EXOC4: variants seen among roughly 807,000 people sequenced by gnomAD.
EXOC4 encodes SEC8-like 1.
Under a neutral mutation model 107.2 loss-of-function variants are expected in EXOC4, and 71 were observed. The observed-to-expected ratio is 0.66, with a 90% CI of 0.55 to 0.81. EXOC4 has a LOEUF of 0.81. EXOC4 is among the 30% of genes least tolerant of loss of function. The pLI, the probability that EXOC4 is intolerant of heterozygous loss-of-function variation, is 0.00. For missense variants in EXOC4, 1,108 were observed against 1,189.6 expected (o/e 0.93, Z 1.01); for synonymous variants, 456 against 441.2 (o/e 1.03, Z -0.42).
At chr7:133,558,125 C>A (rs1800729762) in intron 9 of EXOC4, among the ~76,000 whole-genome samples, 1 of 152,060 alleles carries the variant, frequency 6.6e-6, no homozygotes, top group African/African-American at 2.4e-5. Context: ...AGAAACATGC[C>A]TATTAAAACA....
intron 14 of EXOC4, among the ~76,000 whole-genome samples, chr7:133,982,443 T>G (rs887877871): frequency 7.9e-5 from 12 of 152,024 alleles, no homozygotes; most frequent in Non-Finnish European, 1.6e-4. Context: ...TCCCAGCTAC[T>G]CGGGAGGCTG....
At chr7:134,055,577 A>AAGATCCATT (rs1795902139) in intron 17 of EXOC4, among the ~76,000 whole-genome samples, 1 of 152,194 alleles carries the variant, frequency 6.6e-6, no homozygotes, top group Admixed American at 6.5e-5. Flanking sequence ...CAGGTAGGGC[A>AAGATCCATT]AGATCCATTA....
intron 10 of EXOC4, among the ~76,000 whole-genome samples, chr7:133,781,291 T>A (rs1562994591): frequency 6.6e-6 from 1 of 152,168 alleles, no homozygotes; most frequent in Non-Finnish European, 1.5e-5. Context: ...GCCATGAAAC[T>A]CAAGATCAGA....
intron 7 of EXOC4, among the ~76,000 whole-genome samples, chr7:133,410,549 A>T (rs567122402): frequency 2.6e-5 from 4 of 152,058 alleles, no homozygotes; most frequent in Non-Finnish European, 4.4e-5. Context: ...GTCCACTTCT[A>T]TGTTAGGTCT....
Position 134,022,561 on chromosome 7 carries a change from T to TA in EXOC4, c.2687+14737dup, listed in dbSNP as rs760428641. Among the ~76,000 whole-genome samples the TA allele has an allele frequency of 6.0e-3, 900 of 149,144 alleles. 8 individuals carry two copies. The highest frequency in any genetic ancestry group is 0.015 in the East Asian group (78 of 5,136). ...AATAGCTCTTTCCCCTTTTTCAAAT[T>TA]AAAAAAAAAAATCTGTTTTTTTCTA... On this transcript the variant is annotated intron_variant, in intron 17 of 17. Coordinates refer to ENST00000253861, the MANE Select transcript of EXOC4 (RefSeq NM_021807.4).
At chr7:133,284,394 A>G (rs1376566162) in intron 2 of EXOC4, among the ~76,000 whole-genome samples, 1 of 152,262 alleles carries the variant, frequency 6.6e-6, no homozygotes, top group Admixed American at 6.5e-5. Flanking sequence ...TGATATAAGT[A>G]GGATATCAGA....
chr7:133,387,789 T>C (rs1796760760), intron 7 of EXOC4, among the ~76,000 whole-genome samples: 1 of 152,204 alleles, frequency 6.6e-6, no homozygotes, highest in Non-Finnish European at 1.5e-5. Context: ...GAACAGTTTA[T>C]GGTCCCATGG....
chr7:133,383,077 G>T (rs567060679), intron 7 of EXOC4, among the ~76,000 whole-genome samples: 1 of 152,050 alleles, frequency 6.6e-6, no homozygotes, highest in Non-Finnish European at 1.5e-5. Context: ...TTTGAGCAGC[G>T]GCAGTACCTT....
At chr7:133,604,978 G>A (rs1424778811) in intron 9 of EXOC4, among the ~76,000 whole-genome samples, 1 of 151,810 alleles carries the variant, frequency 6.6e-6, no homozygotes, top group Admixed American at 6.6e-5. Flanking sequence ...ACCCACCTCG[G>A]CCTCCCAAAG....
intron 10 of EXOC4, among the ~76,000 whole-genome samples, chr7:133,760,479 C>T (rs1796010660): frequency 6.6e-6 from 1 of 152,020 alleles, no homozygotes; most frequent in South Asian, 2.1e-4. Flanking sequence ...TCAACTTTTC[C>T]CCTTTGAATC....
intron 8 of EXOC4, chr7:133,478,964 C>G (rs1799087822): frequency 6.6e-6 from 1 of 152,128 alleles, no homozygotes; most frequent in South Asian, 2.1e-4. Context: ...GTGTTTCCCT[C>G]ACAGACTGAC....
chr7:133,713,757 G>T (rs578237381), intron 10 of EXOC4, among the ~76,000 whole-genome samples: 29 of 152,126 alleles, frequency 1.9e-4, no homozygotes, highest in African/African-American at 6.5e-4. Flanking sequence ...CCATCGCTTG[G>T]CACTTCTCCT....
At chr7:133,975,281 A>G (rs972120312) in intron 14 of EXOC4, among the ~76,000 whole-genome samples, 5 of 152,176 alleles carry the variant, frequency 3.3e-5, no homozygotes, top group African/African-American at 9.6e-5. Flanking sequence ...ATATGGGGAT[A>G]GTAGGGATGG....
Position 133,287,543 on chromosome 7 carries a change from G to A in EXOC4, c.277-1379G>A, listed in dbSNP as rs190329293. Reference sequence around the variant, plus strand: ...TTAGCCAGGATGGTCTCGATCTCCTGACCTCGTGATCCACCCGCCTCGGCC... The same window carrying A: ...TTAGCCAGGATGGTCTCGATCTCCTAACCTCGTGATCCACCCGCCTCGGCC... On this transcript the variant is annotated intron_variant, in intron 2 of 17. Coordinates refer to ENST00000253861, the MANE Select transcript of EXOC4 (RefSeq NM_021807.4). Among the ~76,000 whole-genome samples the A allele has an allele frequency of 6.9e-3, 1,047 of 152,216 alleles. 8 individuals are homozygous for A. Among genetic ancestry groups the A allele is most frequent in the African/African-American group, 0.024 (1,016 of 41,528 alleles).
Position 133,608,389 on chromosome 7 carries a change from A to G in EXOC4, c.1418-21656A>G, listed in dbSNP as rs144065506. On this transcript the variant is annotated intron_variant, in intron 9 of 17. Coordinates refer to ENST00000253861, the MANE Select transcript of EXOC4 (RefSeq NM_021807.4). ...TTATGATCATCAACTACTGAACACT[A>G]TTAGAGATTTAGGCGTTATACTGAA... 1.5e-3 allele frequency among the ~76,000 whole-genome samples: 221 copies of G among 152,154 alleles called. 1 individual carries two copies. Among genetic ancestry groups the G allele is most frequent in the African/African-American group, 4.8e-3 (201 of 41,530 alleles).
chr7:133,816,739 A>AACATGCAACCTAGATCCCTC (rs1797378458), intron 10 of EXOC4, among the ~76,000 whole-genome samples: 2 of 152,230 alleles, frequency 1.3e-5, no homozygotes, highest in Non-Finnish European at 2.9e-5. Flanking sequence ...TCTCATAAGG[A>AACATGCAACCTAGATCCCTC]ACATGCAACC....
At position 134,043,194 on chromosome 7, in the gene EXOC4, G is replaced by A. The variant is rs535562622; in HGVS notation, c.2688-21097G>A. ...TACAGTGGGATTGTGTGGCATGATC[G>A]TAATCACTAGTTAGCTAGTGCTGGG... On this transcript the variant is annotated intron_variant, in intron 17 of 17. Coordinates refer to ENST00000253861, the MANE Select transcript of EXOC4 (RefSeq NM_021807.4). Among the ~76,000 whole-genome samples, 8 of 152,132 alleles carry A rather than the reference G, an allele frequency of 5.3e-5. No homozygotes were observed. In the South Asian group the frequency reaches 1.2e-3, roughly 24 times the overall value.
chr7:133,971,361 T>TATATATATATATATATAG (rs1489958236), intron 14 of EXOC4, among the ~76,000 whole-genome samples: 16 of 75,074 alleles, frequency 2.1e-4, no homozygotes, highest in South Asian at 5.2e-4. Context: ...TATATATATA[T>TATATATATATATATATAG]AGAGAGAGAG....
chr7:134,002,054 A>G (rs1276347330), intron 15 of EXOC4, among the ~76,000 whole-genome samples: 4 of 152,222 alleles, frequency 2.6e-5, no homozygotes, highest in Non-Finnish European at 4.4e-5. Context: ...ATCCCATTCC[A>G]GAGTTGGTCA....
Sources: allele counts gnomAD v4.1 joint callset (sites outside exome capture counted in the v4.1 genomes callset), GRCh38; gene constraint gnomAD v4.1.1; transcripts MANE v1.5; gene names NCBI Gene and HGNC (gene_info 2026-07-23, HGNC 2026-07-21).